Variants in FFAR2 observed in about 807,000 individuals in gnomAD.
The protein encoded by FFAR2 is G-protein coupled receptor 43.
For synonymous variants in FFAR2, 193 were observed against 189.9 expected (o/e 1.02, Z -0.13); for missense variants, 421 against 428.9 (o/e 0.98, Z 0.16).
chr19:35,448,919 C>T (rs112593427), intron 1 of FFAR2, among the ~76,000 whole-genome samples: 2,915 of 151,700 alleles, frequency 0.019, 100 homozygotes, highest in African/African-American at 0.067. Context: ...TCTCCTGCCT[C>T]AGCCTACCAA....
intron 1 of FFAR2, among the ~76,000 whole-genome samples, chr19:35,449,230 T>C (rs2067364217): frequency 6.6e-6 from 1 of 152,168 alleles, no homozygotes; most frequent in Non-Finnish European, 1.5e-5. Flanking sequence ...GCTGGGCACT[T>C]GGGTCCTTTG....
At chr19:35,448,738 G>T (rs887573584) in intron 1 of FFAR2, among the ~76,000 whole-genome samples, 3 of 151,978 alleles carry the variant, frequency 2.0e-5, no homozygotes, top group African/African-American at 7.2e-5. Context: ...TCCTCCTAAG[G>T]CTAGTGCTGG....
intron 1 of FFAR2, among the ~76,000 whole-genome samples, chr19:35,449,257 T>C (rs1211111362): frequency 6.6e-6 from 1 of 152,152 alleles, no homozygotes. Flanking sequence ...TGGCACTGGG[T>C]ATCCGCGCCT....
Position 35,450,069 on chromosome 19 carries a change from C to G in FFAR2, c.355C>G (p.Leu119Val), listed in dbSNP as rs1164110830. 5 of 1,614,100 alleles carry G rather than the reference C, an allele frequency of 3.1e-6. No homozygotes were observed. The highest frequency in any genetic ancestry group is 4.2e-6 in the Non-Finnish European group (5 of 1,180,056). The change falls in exon 2 of 2, where the codon CTC becomes GTC. Residue 119 changes from leucine (L) to valine (V), a missense_variant. Leu to Val is a conservative substitution (Grantham distance 32, BLOSUM62 1). Coordinates refer to ENST00000599180, the MANE Select transcript of FFAR2 (RefSeq NM_001370087.1). The stretch of plus-strand genomic sequence containing the variant: ...AGTGGCTTTCCCCGTGCAGTACAAG[C>G]TCTCCCGCCGGCCTCTGTATGGAGT... ...LGVAFPVQYK[L>V]SRRPLYGVIA...
Position 35,450,426 on chromosome 19 carries a change from T to C in FFAR2, c.712T>C (p.Tyr238His). Residue 238 changes from tyrosine (Y) to histidine (H), a missense_variant, in exon 2 of 2, where the codon TAC becomes CAC. Coordinates refer to ENST00000599180, the MANE Select transcript of FFAR2 (RefSeq NM_001370087.1). The stretch of plus-strand genomic sequence containing the variant: ...CAATTTCCTGGTGTGCTTCGGACCT[T>C]ACAACGTGTCCCACCTGGTGGGGTA... ...LLNFLVCFGP[Y>H]NVSHLVGYHQ... 6.2e-7 allele frequency: 1 copy of C among 1,614,250 alleles called. No individual in the cohort carries two copies. Among genetic ancestry groups the C allele is most frequent in the Non-Finnish European group, 8.5e-7 (1 of 1,180,036 alleles).
chr19:35,450,344 C>T lies in FFAR2; in HGVS notation c.630C>T (p.Pro210=). ...TTGTGTGGATCATGCTCTCCCAGCC[C>T]CTTGTGGGGGCCCAGAGGCGGCGCC... ...WRFVWIMLSQ[P]LVGAQRRRRA... Residue 210 remains proline, a synonymous_variant, in exon 2 of 2, where the codon CCC becomes CCT. Transcript: ENST00000599180. 6.2e-7 allele frequency: 1 copy of T among 1,614,166 alleles called. No individual in the cohort carries two copies. Among genetic ancestry groups the T allele is most frequent in the South Asian group, 1.1e-5 (1 of 91,076 alleles).
In FFAR2 at chr19:35,449,757, A is replaced by G. The variant is rs552546966; in HGVS notation, c.43A>G (p.Ile15Val). The G allele has an allele frequency of 1.3e-6, 2 of 1,590,056 alleles. No homozygotes were observed. Among genetic ancestry groups the G allele is most frequent in the African/African-American group, 2.7e-5 (2 of 74,010 alleles). ...WKSSLILMAY[I>V]IIFLTGLPAN... is the part of the protein sequence containing the mutation. ...GAGCTCCTTGATCCTCATGGCTTAC[A>G]TCATCATCTTCCTCACTGGCCTCCC... is the stretch of plus-strand genomic sequence containing the variant. Residue 15 changes from isoleucine (I) to valine (V), a missense_variant, in exon 2 of 2, where the codon ATC (isoleucine) becomes GTC (valine). Ile to Val is a conservative substitution (Grantham distance 29, BLOSUM62 3). Transcript: ENST00000599180.
rs773546379 is a variant in FFAR2, at chr19:35,450,249, G to A, written c.535G>A (p.Val179Met). The A allele has an allele frequency of 1.5e-5, 24 of 1,614,054 alleles. No homozygotes were observed. Among genetic ancestry groups the A allele is most frequent in the Non-Finnish European group, 1.8e-5 (21 of 1,180,036 alleles). ...TAACCAGTTGGACGTGGTGCTGCCC[G>A]TGCGGCTGGAGCTGTGCCTGGTGCT... ...TDNQLDVVLP[V>M]RLELCLVLFF... The change falls in exon 2 of 2, where the codon GTG becomes ATG. Residue 179 changes from valine (V) to methionine (M), a missense_variant. Physicochemically the swap from Val to Met is conservative, Grantham distance 21. Transcript: ENST00000599180.
At chr19:35,448,400 C>T (rs1247355496) in intron 1 of FFAR2, 21 bp downstream of exon 1, 3 of 152,304 alleles carry the variant, frequency 2.0e-5, no homozygotes, top group South Asian at 2.1e-4. Flanking sequence ...TAGTGTAGTG[C>T]TTGTGCTCTG....
Position 35,449,696 on chromosome 19 carries a change from T to C in FFAR2, c.-1-18T>C. The C allele has an allele frequency of 6.5e-7, 1 of 1,528,558 alleles. No homozygotes were observed. Among genetic ancestry groups the C allele is most frequent in the Non-Finnish European group, 8.8e-7 (1 of 1,139,474 alleles). 94.7% of individuals were successfully genotyped at this position (1,528,558 alleles called of 1,614,324 possible). On this transcript the variant is annotated intron_variant, in intron 1 of 1. Transcript: ENST00000599180. The stretch of plus-strand genomic sequence containing the variant: ...GAGTGAGACCTCCCTGACCCCGCCC[T>C]TTTTTGTTCCCCTCCAGGATGCTGC...
Position 35,450,843 on chromosome 19 carries a change from C to G in FFAR2, c.*136C>G. On this transcript the variant is annotated 3_prime_UTR_variant, in exon 2 of 2. Transcript: ENST00000599180. Reference sequence around the variant, plus strand: ...CAGGACTGCGACTTTGAAAAAAATGCCTTTCACCAGCTTGGTATCCCTTCC... The same window carrying G: ...CAGGACTGCGACTTTGAAAAAAATGGCTTTCACCAGCTTGGTATCCCTTCC... 2 of 880,528 alleles carry G rather than the reference C, an allele frequency of 2.3e-6. No homozygotes were observed. The highest frequency in any genetic ancestry group is 3.4e-6 in the Non-Finnish European group (2 of 588,064). 54.5% of individuals were successfully genotyped at this position (880,528 alleles called of 1,614,324 possible).
At position 35,450,294 on chromosome 19, in the gene FFAR2, G is replaced by A. The variant is rs746688027; in HGVS notation, c.580G>A (p.Val194Ile). 2 of 1,614,232 alleles carry A rather than the reference G, an allele frequency of 1.2e-6. No individual in the cohort carries two copies. Among genetic ancestry groups the A allele is most frequent in the Non-Finnish European group, 1.7e-6 (2 of 1,180,044 alleles). Residue 194 changes from valine (V) to isoleucine (I), a missense_variant, in exon 2 of 2, where the codon GTC becomes ATC. Coordinates refer to ENST00000599180, the MANE Select transcript of FFAR2 (RefSeq NM_001370087.1). ...CLVLFFIPMAVTIFCYWRFVW... is the reference protein window; with the variant it reads ...CLVLFFIPMAITIFCYWRFVW... ...GGTGCTCTTCTTCATCCCCATGGCA[G>A]TCACCATCTTCTGCTACTGGCGTTT... is the stretch of plus-strand genomic sequence containing the variant.
In FFAR2 at chr19:35,450,011, C is replaced by T. The variant is rs1221719397; in HGVS notation, c.297C>T (p.Leu99=). ...GCAGCATCTACTGCAGCACGTGGCT[C>T]CTGGCGGGCATCAGCATCGAGCGCT... ...FYSSIYCSTW[L]LAGISIERYL... Residue 99 remains leucine, a synonymous_variant, in exon 2 of 2, where the codon CTC becomes CTT. Coordinates refer to ENST00000599180, the MANE Select transcript of FFAR2 (RefSeq NM_001370087.1). 11 of 1,614,088 alleles carry T rather than the reference C, an allele frequency of 6.8e-6. No individual in the cohort carries two copies. Among genetic ancestry groups the T allele is most frequent in the Non-Finnish European group, 9.3e-6 (11 of 1,180,040 alleles).
rs763496041 is a variant in FFAR2 at position 35,450,355 on chromosome 19, C to A, written c.641C>A (p.Ala214Asp). 1.2e-6 allele frequency: 2 copies of A among 1,614,152 alleles called. No homozygotes were observed. Among genetic ancestry groups the A allele is most frequent in the South Asian group, 2.2e-5 (2 of 91,084 alleles). ...ATGCTCTCCCAGCCCCTTGTGGGGG[C>A]CCAGAGGCGGCGCCGAGCCGTGGGG... is the stretch of plus-strand genomic sequence containing the variant. ...WIMLSQPLVG[A>D]QRRRRAVGLA... is the part of the protein sequence containing the mutation. The change falls in exon 2 of 2, where the codon GCC (alanine) becomes GAC (aspartate). Residue 214 changes from alanine (A) to aspartate (D), a missense_variant. Coordinates refer to ENST00000599180, the MANE Select transcript of FFAR2 (RefSeq NM_001370087.1).
chr19:35,449,733 A>T lies in FFAR2; in HGVS notation c.19A>T (p.Ser7Cys). 3 of 1,555,978 alleles carry T rather than the reference A, an allele frequency of 1.9e-6. No individual in the cohort carries two copies. The highest frequency in any genetic ancestry group is 2.6e-6 in the Non-Finnish European group (3 of 1,151,242). The stretch of plus-strand genomic sequence containing the variant: ...CTCCAGGATGCTGCCGGACTGGAAG[A>T]GCTCCTTGATCCTCATGGCTTACAT... Reference protein sequence around the residue: MLPDWKSSLILMAYIII... With the variant: MLPDWKCSLILMAYIII... The change falls in exon 2 of 2, where the codon AGC becomes TGC. Residue 7 changes from serine (S) to cysteine (C), a missense_variant. Ser to Cys is a moderately radical substitution (Grantham distance 112). Coordinates refer to ENST00000599180, the MANE Select transcript of FFAR2 (RefSeq NM_001370087.1).
chr19:35,449,264 G>A (rs970073423), intron 1 of FFAR2, among the ~76,000 whole-genome samples: 11 of 152,280 alleles, frequency 7.2e-5, no homozygotes, highest in South Asian at 2.1e-4. Flanking sequence ...GGGTATCCGC[G>A]CCTGGGGCGC....
Position 35,450,422 on chromosome 19 carries a change from A to G in FFAR2, c.708A>G (p.Gly236=), listed in dbSNP as rs2067373995. The G allele has an allele frequency of 1.2e-6, 2 of 1,614,000 alleles. No homozygotes were observed. The highest frequency in any genetic ancestry group is 2.7e-5 in the African/African-American group (2 of 74,882). The change falls in exon 2 of 2, where the codon GGA becomes GGG. Residue 236 remains glycine (G), a synonymous_variant. Transcript: ENST00000599180. ...TGCTCAATTTCCTGGTGTGCTTCGG[A>G]CCTTACAACGTGTCCCACCTGGTGG... ...VTLLNFLVCF[G]PYNVSHLVGY... is the part of the protein sequence containing the mutation.
chr19:35,450,198 ATTAC>A lies in FFAR2; in HGVS notation c.485_488del (p.Ile162ThrfsTer64), dbSNP rs752375105. On this transcript the variant is annotated frameshift_variant, in exon 2 of 2. Transcript: ENST00000599180. LOFTEE classifies it low-confidence loss of function (END_TRUNC). ...TGAGCAGGTCAGAAGTGGCAATGAAATTACCTGCTACGAGAACTTCACCGATAAC... is the reference window on the plus strand; with the variant it reads ...TGAGCAGGTCAGAAGTGGCAATGAAACTGCTACGAGAACTTCACCGATAAC... 1 of 1,614,034 alleles carries A rather than the reference ATTAC, an allele frequency of 6.2e-7. No homozygotes were observed. The highest frequency in any genetic ancestry group is 1.3e-5 in the African/African-American group (1 of 74,936).
chr19:35,451,131 G>A lies in FFAR2; in HGVS notation c.*424G>A, dbSNP rs1374820551. On this transcript the variant is annotated 3_prime_UTR_variant, in exon 2 of 2. Transcript: ENST00000599180. ...CCCAGCTACTCTGGAGGCTGAGGCA[G>A]GAGAATCCTTGAACCCGGGAGTTGG... 6 of 164,782 alleles carry A rather than the reference G, an allele frequency of 3.6e-5. No homozygotes were observed. In the South Asian group the frequency reaches 5.6e-4, roughly 15 times the overall value. The allele number at this position is 164,782 out of a possible 1,614,324, so 10.2% of individuals were successfully genotyped here.
Sources: allele counts gnomAD v4.1 joint callset (sites outside exome capture counted in the v4.1 genomes callset), GRCh38; gene constraint gnomAD v4.1.1; transcripts MANE v1.5; gene names NCBI Gene and HGNC (gene_info 2026-07-23, HGNC 2026-07-21).